The following LIMCH1 variants were observed in gnomAD, a reference collection of about 807,000 sequenced individuals.
LIMCH1 encodes the protein LIM and calponin homology domains-containing protein 1.
A neutral mutation model predicts 176.5 loss-of-function variants in LIMCH1; 113 were observed. The observed-to-expected ratio is 0.64, with a 90% CI of 0.55 to 0.75. The LOEUF (loss-of-function observed/expected upper bound fraction) is 0.75, where lower values mean the gene tolerates loss of function less well. LIMCH1 is among the 30% of genes least tolerant of loss of function. LIMCH1 has a pLI of 0.00. For synonymous variants in LIMCH1, 619 were observed against 645.9 expected (o/e 0.96, Z 0.63); for missense variants, 1,674 against 1,814.9 (o/e 0.92, Z 1.41).
intron 1 of LIMCH1, among the ~76,000 whole-genome samples, chr4:41,473,669 C>T (rs1246123531): frequency 6.6e-6 from 1 of 152,082 alleles, no homozygotes; most frequent in Non-Finnish European, 1.5e-5. Context: ...GGATATGACC[C>T]CAAAGCACAG....
intron 1 of LIMCH1, among the ~76,000 whole-genome samples, chr4:41,364,056 C>A (rs1403445389): frequency 6.6e-6 from 1 of 152,164 alleles, no homozygotes; most frequent in Non-Finnish European, 1.5e-5. Context: ...TGACCCTGAG[C>A]AAGCTACTTT....
intron 1 of LIMCH1, among the ~76,000 whole-genome samples, chr4:41,452,690 T>G (rs1272802596): frequency 6.6e-6 from 1 of 152,188 alleles, no homozygotes; most frequent in Non-Finnish European, 1.5e-5. Context: ...ATCCAACACC[T>G]CCTTCCTTCT....
intron 1 of LIMCH1, among the ~76,000 whole-genome samples, chr4:41,385,274 T>G (rs964923990): frequency 6.6e-6 from 1 of 152,250 alleles, no homozygotes; most frequent in African/African-American, 2.4e-5. Context: ...GTTTCAGTTT[T>G]AACTTCTTTG....
intron 1 of LIMCH1, among the ~76,000 whole-genome samples, chr4:41,417,856 AT>A (rs1345744582): frequency 6.6e-6 from 1 of 151,968 alleles, no homozygotes; most frequent in Non-Finnish European, 1.5e-5. Flanking sequence ...GGTTTGAAAA[AT>A]TTTTTTTACA....
chr4:41,517,628 A>G (rs995518736), intron 2 of LIMCH1, among the ~76,000 whole-genome samples: 4 of 150,514 alleles, frequency 2.7e-5, no homozygotes, highest in African/African-American at 4.9e-5. Context: ...TTCATTTGAA[A>G]CTCCTCTGTT....
chr4:41,536,332 A>G (rs1383198069), upstream of LIMCH1, among the ~76,000 whole-genome samples: 1 of 152,204 alleles, frequency 6.6e-6, no homozygotes, highest in Non-Finnish European at 1.5e-5. Flanking sequence ...AAGCATTTCA[A>G]AAGAACTCGC....
intron 1 of LIMCH1, among the ~76,000 whole-genome samples, chr4:41,492,967 A>G (rs2154174629): frequency 6.6e-6 from 1 of 152,306 alleles, no homozygotes; most frequent in African/African-American, 2.4e-5. Flanking sequence ...AATACAGTGT[A>G]ACAATGATTT....
At chr4:41,583,787 T>C (rs1235946870) in intron 1 of LIMCH1, among the ~76,000 whole-genome samples, 1 of 150,606 alleles carries the variant, frequency 6.6e-6, no homozygotes, top group Non-Finnish European at 1.5e-5. Flanking sequence ...CTCTCTCTTT[T>C]TTTTTTTTGC....
chr4:41,390,273 A>AGAGG (rs1302651496), intron 1 of LIMCH1, among the ~76,000 whole-genome samples: 10 of 150,492 alleles, frequency 6.6e-5, no homozygotes, highest in African/African-American at 2.5e-4. Flanking sequence ...AGAGAGAGAG[A>AGAGG]GCGAGAGCGC....
chr4:41,422,247 G>A (rs889336524), intron 1 of LIMCH1, among the ~76,000 whole-genome samples: 1 of 152,084 alleles, frequency 6.6e-6, no homozygotes, highest in Admixed American at 6.5e-5. Context: ...TGAGATAAAT[G>A]AGTGATCTCG....
chr4:41,530,948 T>A (rs145049600), intron 3 of LIMCH1, among the ~76,000 whole-genome samples: 1 of 148,630 alleles, frequency 6.7e-6, no homozygotes, highest in Non-Finnish European at 1.5e-5. Flanking sequence ...CAGTGCTAGA[T>A]CATCCTTCCT....
intron 1 of LIMCH1, among the ~76,000 whole-genome samples, chr4:41,448,630 T>C (rs2063521707): frequency 6.6e-6 from 1 of 152,094 alleles, no homozygotes; most frequent in Non-Finnish European, 1.5e-5. Flanking sequence ...AAATCATGCT[T>C]TTCAGTATAT....
rs187935589 is a variant in LIMCH1, at chr4:41,456,822, A to G, written c.97-37714A>G. On this transcript the variant is annotated intron_variant, in intron 1 of 26. Transcript: ENST00000313860. ...GGAATCATCTGAAGCTTGTTTGCTC[A>G]CATGTCTGGTGGTCGATGCTACAGG... Among the ~76,000 whole-genome samples, 335 of 152,044 alleles carry G rather than the reference A, an allele frequency of 2.2e-3. 2 individuals carry two copies. The highest frequency in any genetic ancestry group is 6.9e-3 in the African/African-American group (288 of 41,486).
chr4:41,599,751 A>C (rs893039208), intron 2 of LIMCH1, among the ~76,000 whole-genome samples: 1 of 152,200 alleles, frequency 6.6e-6, no homozygotes, highest in Non-Finnish European at 1.5e-5. Context: ...TTAATAATAA[A>C]CATAGTTACA....
chr4:41,636,111 A>T (rs1261396665), intron 13 of LIMCH1, among the ~76,000 whole-genome samples: 1 of 151,596 alleles, frequency 6.6e-6, no homozygotes, highest in Non-Finnish European at 1.5e-5. Context: ...GAGTCTCACT[A>T]TGTTGCCCAG....
intron 1 of LIMCH1, among the ~76,000 whole-genome samples, chr4:41,586,533 G>A (rs7681536): frequency 0.12 from 18,583 of 152,116 alleles, 3,362 homozygotes; most frequent in African/African-American, 0.4. Flanking sequence ...TATGGAAACT[G>A]TTTAATGGAA....
intron 22 of LIMCH1, among the ~76,000 whole-genome samples, chr4:41,672,402 A>G (rs1560322031): frequency 6.6e-6 from 1 of 152,188 alleles, no homozygotes; most frequent in African/African-American, 2.4e-5. Context: ...ATAGAATAGA[A>G]GAATTAGTAT....
chr4:41,407,336 C>T (rs1356767011), intron 1 of LIMCH1, among the ~76,000 whole-genome samples: 1 of 152,188 alleles, frequency 6.6e-6, no homozygotes, highest in Non-Finnish European at 1.5e-5. Context: ...TCAAGCGATC[C>T]TCCCACCTCA....
At chr4:41,588,312 C>T (rs559096395) in intron 1 of LIMCH1, among the ~76,000 whole-genome samples, 2 of 152,210 alleles carry the variant, frequency 1.3e-5, no homozygotes, top group East Asian at 3.9e-4. Context: ...CTAATGACAT[C>T]TGTGAGTGAG....
Sources: gnomAD v4.1 joint callset for allele counts (sites outside exome capture counted in the v4.1 genomes callset) on GRCh38, gnomAD v4.1.1 for gene constraint, MANE v1.5 for transcripts, NCBI Gene and HGNC (gene_info 2026-07-23, HGNC 2026-07-21) for gene names.